Variants in STPG2 observed in about 807,000 individuals in gnomAD.
STPG2 encodes the protein sperm-tail PG-rich repeat-containing protein 2.
A neutral mutation model predicts 54.2 loss-of-function variants in STPG2; 56 were observed. The ratio of observed to expected loss-of-function variants is 1.03; its 90% confidence interval spans 0.83 to 1.29. The LOEUF (loss-of-function observed/expected upper bound fraction) is 1.29, where lower values mean the gene tolerates loss of function less well. Ranked by LOEUF, STPG2 falls within the 50% of genes most tolerant of loss-of-function variation. The pLI, the probability that STPG2 is intolerant of heterozygous loss-of-function variation, is 0.00. For missense variants in STPG2, 596 were observed against 544.9 expected, an observed-to-expected ratio of 1.09 and a Z score of -0.93; for synonymous variants, 200 against 181.8, an observed-to-expected ratio of 1.10 and a Z score of -0.81.
intron 4 of STPG2, among the ~76,000 whole-genome samples, chr4:97,547,404 G>C (rs552182992): frequency 1.2e-3 from 184 of 152,202 alleles, no homozygotes; most frequent in Non-Finnish European, 2.1e-3. Flanking sequence ...TAGAGACGGG[G>C]TTTCACCGTG....
intron 4 of STPG2, among the ~76,000 whole-genome samples, chr4:97,450,873 C>T (rs1007988508): frequency 1.3e-5 from 2 of 152,120 alleles, no homozygotes; most frequent in Non-Finnish European, 2.9e-5. Context: ...AAATATCCTA[C>T]ATGCACTTAT....
intron 8 of STPG2, among the ~76,000 whole-genome samples, chr4:97,917,679 G>A (rs1731935895): frequency 6.6e-6 from 1 of 152,044 alleles, no homozygotes; most frequent in Admixed American, 6.6e-5. Flanking sequence ...TTGATACAGA[G>A]GATAGAAATA....
At chr4:97,595,598 T>C (rs1450495066) in intron 10 of STPG2, among the ~76,000 whole-genome samples, 1 of 146,364 alleles carries the variant, frequency 6.8e-6, no homozygotes, top group South Asian at 2.2e-4. Context: ...TAAAGTATAA[T>C]AAAAATAAAA....
intron 9 of STPG2, among the ~76,000 whole-genome samples, chr4:97,818,298 C>T (rs958622771): frequency 2.6e-5 from 4 of 151,796 alleles, no homozygotes; most frequent in African/African-American, 7.3e-5. Context: ...AGGATAGTAT[C>T]GAACCCTATA....
At chr4:97,509,760 G>C (rs531713629) in intron 4 of STPG2, among the ~76,000 whole-genome samples, 2 of 152,172 alleles carry the variant, frequency 1.3e-5, no homozygotes, top group East Asian at 3.9e-4. Context: ...CCACTTTGAA[G>C]GGGAAAAATA....
At chr4:97,929,458 T>C (rs1448579254) in intron 8 of STPG2, among the ~76,000 whole-genome samples, 1 of 152,218 alleles carries the variant, frequency 6.6e-6, no homozygotes. Context: ...CCACACTGTC[T>C]TCTACAATGG....
intron 10 of STPG2, among the ~76,000 whole-genome samples, chr4:97,580,752 T>G (rs1199142179): frequency 1.3e-5 from 2 of 152,026 alleles, no homozygotes; most frequent in Non-Finnish European, 2.9e-5. Context: ...CCATTTGATG[T>G]GGGTTGGGTC....
chr4:97,710,184 T>G (rs538388160), intron 10 of STPG2, among the ~76,000 whole-genome samples: 1 of 151,972 alleles, frequency 6.6e-6, no homozygotes, highest in East Asian at 1.9e-4. Flanking sequence ...AGGTCAATGA[T>G]AGTAATCCAA....
chr4:97,837,266 G>T lies in STPG2; in HGVS notation c.1204+3507C>A, dbSNP rs116731397. On this transcript the variant is annotated intron_variant, in intron 9 of 10. Coordinates refer to ENST00000295268, the MANE Select transcript of STPG2 (RefSeq NM_174952.3). The stretch of plus-strand genomic sequence containing the variant: ...AATTCTAGGGTCAAATGGCATGAAT[G>T]CTTGAAACATTTTGCCAACCTGCCC... Among the ~76,000 whole-genome samples, 274 of 151,752 alleles carry T rather than the reference G, an allele frequency of 1.8e-3. 5 individuals carry two copies. Among genetic ancestry groups the T allele is most frequent in the South Asian group, 3.9e-3 (19 of 4,830 alleles).
intron 8 of STPG2, among the ~76,000 whole-genome samples, chr4:97,859,302 C>T (rs1729432010): frequency 1.3e-5 from 2 of 151,984 alleles, no homozygotes; most frequent in African/African-American, 4.8e-5. Context: ...GATATTGGTC[C>T]TTTGTTGAAT....
chr4:97,898,820 G>A (rs766194403), intron 8 of STPG2, among the ~76,000 whole-genome samples: 20 of 151,536 alleles, frequency 1.3e-4, no homozygotes, highest in East Asian at 3.9e-4. Context: ...AGCAAAATTC[G>A]TATCTTTTAT....
intron 8 of STPG2, among the ~76,000 whole-genome samples, chr4:97,847,141 T>C (rs1285782455): frequency 6.6e-6 from 1 of 152,176 alleles, no homozygotes; most frequent in African/African-American, 2.4e-5. Context: ...TGCCTAAATA[T>C]TCAGAAAACT....
chr4:97,610,883 A>T (rs183936162), intron 10 of STPG2, among the ~76,000 whole-genome samples: 19 of 152,194 alleles, frequency 1.2e-4, no homozygotes, highest in African/African-American at 2.6e-4. Flanking sequence ...GAGAATAAAA[A>T]TATTCTTATT....
intron 5 of STPG2, among the ~76,000 whole-genome samples, chr4:98,076,814 T>G (rs189876403): frequency 6.6e-4 from 101 of 152,268 alleles, no homozygotes; most frequent in Non-Finnish European, 1.1e-3. Context: ...AATTTTACAT[T>G]TTTAACTAAA....
chr4:97,998,259 C>T (rs1478902628), intron 5 of STPG2, among the ~76,000 whole-genome samples: 1 of 152,154 alleles, frequency 6.6e-6, no homozygotes, highest in Non-Finnish European at 1.5e-5. Context: ...TAGGCCTTAA[C>T]ATGCATATGT....
intron 4 of STPG2, among the ~76,000 whole-genome samples, chr4:97,540,593 G>T (rs911375313): frequency 3.3e-5 from 5 of 152,112 alleles, no homozygotes; most frequent in African/African-American, 1.2e-4. Flanking sequence ...CCAATCAATA[G>T]AAAAAGAGGG....
intron 8 of STPG2, among the ~76,000 whole-genome samples, chr4:97,919,650 G>A (rs1054959204): frequency 1.3e-5 from 2 of 151,940 alleles, no homozygotes; most frequent in Non-Finnish European, 2.9e-5. Flanking sequence ...TTTATTAAAG[G>A]AACTGAATAT....
chr4:97,688,533 A>AT (rs1332358105), intron 10 of STPG2, among the ~76,000 whole-genome samples: 3 of 151,902 alleles, frequency 2.0e-5, no homozygotes, highest in African/African-American at 7.3e-5. Flanking sequence ...TGCCCAGCTA[A>AT]TTTTTTTGTA....
chr4:98,075,207 C>G (rs1578833809), intron 5 of STPG2, among the ~76,000 whole-genome samples: 1 of 152,178 alleles, frequency 6.6e-6, no homozygotes, highest in Non-Finnish European at 1.5e-5. Context: ...CCAAATCTAG[C>G]CTACATTTTT....
Sources: allele counts gnomAD v4.1 joint callset (sites outside exome capture counted in the v4.1 genomes callset), GRCh38; gene constraint gnomAD v4.1.1; transcripts MANE v1.5; gene names NCBI Gene and HGNC (gene_info 2026-07-23, HGNC 2026-07-21).